Variants in INSRR observed in about 807,000 individuals in gnomAD.
INSRR encodes insulin receptor related receptor, also known as insulin receptor-related protein.
INSRR carries 114 observed loss-of-function variants against 130.0 expected under a neutral mutation model. The ratio of observed to expected loss-of-function variants is 0.88; its 90% CI spans 0.75 to 1.02. INSRR has a LOEUF of 1.02. Ranked by LOEUF, INSRR falls within the 50% of genes least tolerant of loss-of-function variation. The probability of loss-of-function intolerance (pLI) is 0.00; values close to 1 mark genes in which losing one functional copy is unlikely to be tolerated. For synonymous variants in INSRR, 674 were observed against 705.2 expected, an observed-to-expected ratio of 0.96 and a Z score of 0.70; for missense variants, 1,657 against 1,735.2, an observed-to-expected ratio of 0.95 and a Z score of 0.80.
chr1:156,841,855 G>C (rs750560859), intron 19 of INSRR, 61 bp from the exon 20 acceptor site: 1 of 1,612,830 alleles, frequency 6.2e-7, no homozygotes, highest in Non-Finnish European at 8.5e-7. Flanking sequence ...ACTAGCTCCT[G>C]CCCCTGGGAT....
At position 156,858,578 on chromosome 1, in the gene INSRR, A is replaced by G. The variant is rs756966386; in HGVS notation, c.44T>C (p.Val15Ala). The G allele has an allele frequency of 1.7e-5, 27 of 1,613,964 alleles. No individual in the cohort carries two copies. Among genetic ancestry groups the G allele is most frequent in the Non-Finnish European group, 2.3e-5 (27 of 1,180,012 alleles). Residue 15 changes from valine to alanine, a missense_variant, in exon 1 of 22, where the codon GTG (valine) becomes GCG (alanine). Transcript: ENST00000368195. ...GCCAAATCCCAAGGAGAGGAAGATC[A>G]CAGGCAGGCATGCTCCCCAGGGCCA... ...SLWPWGACLPVIFLSLGFGLD... is the reference protein window; with the variant it reads ...SLWPWGACLPAIFLSLGFGLD...
intron 2 of INSRR, 75 bp from the exon 3 acceptor site, chr1:156,852,266 C>T: frequency 4.9e-6 from 7 of 1,424,926 alleles, no homozygotes; most frequent in Non-Finnish European, 6.7e-6. Flanking sequence ...CTGGCCCCAC[C>T]CTGTTTCTCT....
At chr1:156,843,697 G>A (rs975782092) in intron 15 of INSRR, among the ~76,000 whole-genome samples, 2 of 152,264 alleles carry the variant, frequency 1.3e-5, no homozygotes, top group Admixed American at 6.5e-5. Context: ...CAGGAGTAAA[G>A]GGGCTTCCGC....
At position 156,849,439 on chromosome 1, in the gene INSRR, C is replaced by G. The variant is rs1248852308; in HGVS notation, c.1251G>C (p.Leu417=). ...CTAGCTGTTGTAGGTTCTGGTTGTC[C>G]AGCACGTAGAGAGTGTAGTTCCTGG... ...MVDGNYTLYV[L]DNQNLQQLGS... The change falls in exon 6 of 22, where the codon CTG becomes CTC. Residue 417 remains leucine (L), a synonymous_variant. Transcript: ENST00000368195. 3.7e-6 allele frequency: 6 copies of G among 1,611,452 alleles called. No individual in the cohort carries two copies. The highest frequency in any genetic ancestry group is 5.1e-6 in the Non-Finnish European group (6 of 1,179,564).
chr1:156,853,937 G>T lies in INSRR; in HGVS notation c.452C>A (p.Ser151Tyr). The T allele has an allele frequency of 6.2e-7, 1 of 1,613,936 alleles. No homozygotes were observed. The highest frequency in any genetic ancestry group is 1.3e-5 in the African/African-American group (1 of 75,072). Reference protein sequence around the residue: ...VEKNQELCHLSTIDWGLLQPA... With the variant: ...VEKNQELCHLYTIDWGLLQPA... The stretch of plus-strand genomic sequence containing the variant: ...CTGCAGCAGTCCCCAGTCAATGGTG[G>T]AGAGGTGGCAGAGCTCCTGGTTCTT... The change falls in exon 2 of 22, where the codon TCC becomes TAC. Residue 151 changes from serine (S) to tyrosine (Y), a missense_variant. Coordinates refer to ENST00000368195, the MANE Select transcript of INSRR (RefSeq NM_014215.3).
rs1284512341 is a variant in INSRR at position 156,844,908 on chromosome 1, A to G, written c.2438-65T>C. ...TCATCTCACCTTATGTTCAAACCCA[A>G]GCTAAACTGGGCTGAGCTGGGAGGT... On this transcript the variant is annotated intron_variant, in intron 12 of 21. Coordinates refer to ENST00000368195, the MANE Select transcript of INSRR (RefSeq NM_014215.3). 55 of 1,601,238 alleles carry G rather than the reference A, an allele frequency of 3.4e-5. No individual in the cohort carries two copies. In the Admixed American group the frequency reaches 9.3e-4, roughly 27 times the overall value.
chr1:156,845,456 AC>A, intron 10 of INSRR, 43 bp from the exon 11 acceptor site: 1 of 1,523,338 alleles, frequency 6.6e-7, no homozygotes, highest in Non-Finnish European at 8.8e-7. Flanking sequence ...GTCCGGATGC[AC>A]CCCTGTGCCC....
In INSRR at chr1:156,842,140, C is replaced by T. The variant is rs753089317; in HGVS notation, c.3369G>A (p.Val1123=). The change falls in exon 19 of 22, where the codon GTG becomes GTA. Residue 1123 remains valine (V), a synonymous_variant. Coordinates refer to ENST00000368195, the MANE Select transcript of INSRR (RefSeq NM_014215.3). The stretch of plus-strand genomic sequence containing the variant: ...CGATCTTGACGGTGAAGTCCTGGGA[C>T]ACCATGCAGTTGCGGGCTGCTAGAT... The part of the protein sequence containing the change: ...HRDLAARNCM[V]SQDFTVKIGD... 1 of 1,614,086 alleles carries T rather than the reference C, an allele frequency of 6.2e-7. No homozygotes were observed.
intron 12 of INSRR, 47 bp downstream of exon 12, chr1:156,845,029 C>T: frequency 6.4e-7 from 1 of 1,566,318 alleles, no homozygotes; most frequent in Non-Finnish European, 8.7e-7. Flanking sequence ...GCACAGGGTC[C>T]TTGGGGTCGG....
Position 156,851,807 on chromosome 1 carries a change from T to C in INSRR, c.942-19A>G. ...GAATATGCTAGCAGGAGCAAGCAGA[T>C]GTCCTGAGCCTTGGACCAGTTTGGG... On this transcript the variant is annotated intron_variant, in intron 3 of 21. Transcript: ENST00000368195. The C allele has an allele frequency of 6.2e-7, 1 of 1,600,178 alleles. No homozygotes were observed. Among genetic ancestry groups the C allele is most frequent in the South Asian group, 1.1e-5 (1 of 89,200 alleles).
intron 10 of INSRR, 78 bp downstream of exon 10, chr1:156,845,541 A>AACCCCCCCCCCC: frequency 7.8e-7 from 1 of 1,288,356 alleles, no homozygotes; most frequent in Non-Finnish European, 1.1e-6. Flanking sequence ...CCACCCACAA[A>AACCCCCCCCCCC]CCCCACCCCT....
At chr1:156,848,809 G>C in intron 7 of INSRR, 112 bp downstream of exon 7, 7 of 1,338,762 alleles carry the variant, frequency 5.2e-6, no homozygotes, top group Non-Finnish European at 7.0e-6. Context: ...GCGGGTCCTG[G>C]CTTCCTGGGT....
intron 2 of INSRR, among the ~76,000 whole-genome samples, chr1:156,853,473 A>G: frequency 6.6e-6 from 1 of 151,366 alleles, no homozygotes; most frequent in East Asian, 1.9e-4. Context: ...TGCGCTGCCT[A>G]CTCTCTGTTC....
intron 2 of INSRR, among the ~76,000 whole-genome samples, 192 bp downstream of exon 2, chr1:156,853,560 C>T (rs1655303824): frequency 6.6e-6 from 1 of 152,222 alleles, no homozygotes; most frequent in Non-Finnish European, 1.5e-5. Flanking sequence ...GGGCCTACCC[C>T]TTAGCTGTCT....
Position 156,843,052 on chromosome 1 carries a change from C to T in INSRR, c.3078G>A (p.Glu1026=). 6.2e-7 allele frequency: 1 copy of T among 1,614,188 alleles called. No homozygotes were observed. Among genetic ancestry groups the T allele is most frequent in the East Asian group, 2.2e-5 (1 of 44,886 alleles). Residue 1026 remains glutamate (E), a synonymous_variant, in exon 17 of 22, where the codon GAG becomes GAA. Coordinates refer to ENST00000368195, the MANE Select transcript of INSRR (RefSeq NM_014215.3). The part of the protein sequence containing the change: ...NELASPRECI[E]FLKEASVMKA... ...TCATGACAGAAGCTTCCTTGAGGAA[C>T]TCAATGCATTCCCGTGGGCTGGCCA...
Position 156,842,250 on chromosome 1 carries a change from G to A in INSRR, c.3259C>T (p.Pro1087Ser). ...EAENNPGLPQ[P>S]ALGEMIQMAG... ...ATTTGGATCATTTCCCCCAATGCTGGCTGTGGGAGCCCAGGGTTGTTCTAG... is the reference window on the plus strand; with the variant it reads ...ATTTGGATCATTTCCCCCAATGCTGACTGTGGGAGCCCAGGGTTGTTCTAG... Residue 1087 changes from proline to serine, a missense_variant, in exon 19 of 22, where the codon CCA becomes TCA. Coordinates refer to ENST00000368195, the MANE Select transcript of INSRR (RefSeq NM_014215.3). The A allele has an allele frequency of 6.2e-7, 1 of 1,613,968 alleles. No individual in the cohort carries two copies. Among genetic ancestry groups the A allele is most frequent in the Non-Finnish European group, 8.5e-7 (1 of 1,179,954 alleles).
At chr1:156,850,661 T>A (rs982516056) in intron 5 of INSRR, among the ~76,000 whole-genome samples, 1 of 147,390 alleles carries the variant, frequency 6.8e-6, no homozygotes, top group African/African-American at 2.5e-5. Context: ...TTCAAACAAT[T>A]CTCCTGCCTC....
intron 17 of INSRR, 125 bp downstream of exon 17, chr1:156,842,879 G>A (rs1295993058): frequency 9.3e-6 from 7 of 755,966 alleles, no homozygotes; most frequent in Non-Finnish European, 1.5e-5. Flanking sequence ...ACCCCAATTA[G>A]GATCCTAACC....
chr1:156,848,416 G>T (rs1461183547), intron 7 of INSRR, among the ~76,000 whole-genome samples: 1 of 152,110 alleles, frequency 6.6e-6, no homozygotes, highest in African/African-American at 2.4e-5. Context: ...TTTTGGAGAA[G>T]TCTTTCCTGT....
Sources: allele counts gnomAD v4.1 joint callset (sites outside exome capture counted in the v4.1 genomes callset), GRCh38; gene constraint gnomAD v4.1.1; transcripts MANE v1.5; gene names NCBI Gene and HGNC (gene_info 2026-07-23, HGNC 2026-07-21).